UPF3A: variants seen among roughly 807,000 people sequenced by gnomAD.
UPF3A encodes UPF3A regulator of nonsense mediated mRNA decay, also known as regulator of nonsense transcripts 3A.
Under a neutral mutation model 53.5 loss-of-function variants are expected in UPF3A, and 42 were observed. That is an observed-to-expected ratio of 0.78 (90% CI 0.61 to 1.01). The LOEUF (loss-of-function observed/expected upper bound fraction) is 1.01. UPF3A is among the 50% of genes least tolerant of loss of function. The pLI, the probability that UPF3A is intolerant of heterozygous loss-of-function variation, is 0.00. For missense variants in UPF3A, 575 were observed against 598.0 expected (o/e 0.96, Z 0.40); for synonymous variants, 237 against 225.3 (o/e 1.05, Z -0.47).
At chr13:114,298,030 A>G (rs1387542179) in intron 7 of UPF3A, among the ~76,000 whole-genome samples, 2 of 151,966 alleles carry the variant, frequency 1.3e-5, no homozygotes. Flanking sequence ...AATCACTATT[A>G]ATACAGTGCT....
Position 114,286,555 on chromosome 13 carries a change from T to C in UPF3A, c.557T>C (p.Val186Ala), listed in dbSNP as rs933735181. The C allele has an allele frequency of 3.7e-6, 6 of 1,613,970 alleles. No individual in the cohort carries two copies. The highest frequency in any genetic ancestry group is 5.1e-6 in the Non-Finnish European group (6 of 1,179,942). ...AAGAAGTTTTTAGAAACCTACTGTG[T>C]GGAGGAAGAGAAGACCAGTGCCAAC... is the stretch of plus-strand genomic sequence containing the variant. The part of the protein sequence containing the change: ...EYKKFLETYC[V>A]EEEKTSANPE... Residue 186 changes from valine (V) to alanine (A), a missense_variant, in exon 5 of 10, where the codon GTG (valine) becomes GCG (alanine). Physicochemically the swap from Val to Ala is moderately conservative, Grantham distance 64 (BLOSUM62 0). Transcript: ENST00000375299.
rs865794958 is a variant in UPF3A, at chr13:114,286,475, T to C, written c.521-44T>C. 4 of 1,610,580 alleles carry C rather than the reference T, an allele frequency of 2.5e-6. No homozygotes were observed. In the Middle Eastern group the frequency reaches 5.0e-4, roughly 200 times the overall value. On this transcript the variant is annotated intron_variant, in intron 4 of 9. Coordinates refer to ENST00000375299, the MANE Select transcript of UPF3A (RefSeq NM_023011.4). ...TGAGCAAATGTAATTCTCCCGTAGT[T>C]GGGAAAGATTATATTTATTTTCTTC...
At chr13:114,300,059 A>G (rs1382676922) in intron 8 of UPF3A, among the ~76,000 whole-genome samples, 1 of 152,186 alleles carries the variant, frequency 6.6e-6, no homozygotes, top group Non-Finnish European at 1.5e-5. Context: ...CGGTGTTGTT[A>G]CTGTGACAGT....
At chr13:114,286,717 A>G in intron 5 of UPF3A, 88 bp downstream of exon 5, 1 of 1,027,162 alleles carries the variant, frequency 9.7e-7, no homozygotes, top group Non-Finnish European at 1.4e-6. Flanking sequence ...TGACTGTGAT[A>G]ACAAGTTGAA....
At chr13:114,295,308 C>G (rs2479976) in intron 7 of UPF3A, among the ~76,000 whole-genome samples, 2,715 of 100,684 alleles carry the variant, frequency 0.027, 125 homozygotes, top group East Asian at 0.23. Flanking sequence ...CAGAGCTGGC[C>G]TGCTCCCCAG....
At chr13:114,292,670 G>A (rs561523346) in intron 7 of UPF3A, among the ~76,000 whole-genome samples, 1 of 152,164 alleles carries the variant, frequency 6.6e-6, no homozygotes, top group Non-Finnish European at 1.5e-5. Context: ...TACACGTGCA[G>A]GTGTGTCACA....
rs767950506 is a variant in UPF3A at position 114,286,283 on chromosome 13, A to G, written c.422-19A>G. 2 of 1,610,440 alleles carry G rather than the reference A, an allele frequency of 1.2e-6. No individual in the cohort carries two copies. The highest frequency in any genetic ancestry group is 1.7e-4 in the Middle Eastern group (1 of 6,042). ...GTAGAATTTCAGAATGGCTTCTGGA[A>G]CATGTTTCCTGTTAAAAGGCCTAGA... On this transcript the variant is annotated intron_variant, in intron 3 of 9. Transcript: ENST00000375299.
At chr13:114,289,247 C>A (rs970093652) in intron 5 of UPF3A, among the ~76,000 whole-genome samples, 1 of 152,008 alleles carries the variant, frequency 6.6e-6, no homozygotes, top group African/African-American at 2.4e-5. Flanking sequence ...GAAACTTGGC[C>A]GGGTGCGGTG....
intron 9 of UPF3A, among the ~76,000 whole-genome samples, chr13:114,303,862 C>A (rs1181527164): frequency 1.3e-5 from 2 of 152,196 alleles, no homozygotes; most frequent in African/African-American, 2.4e-5. Flanking sequence ...TGAGCCTGTT[C>A]CCACCCCTCC....
At chr13:114,285,920 G>A (rs1045900053) in intron 3 of UPF3A, 4 of 182,706 alleles carry the variant, frequency 2.2e-5, no homozygotes, top group Non-Finnish European at 4.6e-5. Context: ...GGCTGGGGAG[G>A]TCAGGTATAT....
intron 7 of UPF3A, among the ~76,000 whole-genome samples, chr13:114,297,372 A>G (rs2086148418): frequency 1.3e-5 from 2 of 152,358 alleles, no homozygotes; most frequent in East Asian, 3.8e-4. Context: ...AGGAAAGAGA[A>G]TAATCAGTGT....
intron 7 of UPF3A, among the ~76,000 whole-genome samples, chr13:114,292,506 A>C (rs2085401865): frequency 6.8e-6 from 1 of 146,188 alleles, no homozygotes; most frequent in South Asian, 2.2e-4. Flanking sequence ...CAGGTGTGCC[A>C]CATGTTTATT....
At chr13:114,297,068 C>T (rs1272990713) in intron 7 of UPF3A, among the ~76,000 whole-genome samples, 4 of 152,156 alleles carry the variant, frequency 2.6e-5, no homozygotes, top group Non-Finnish European at 5.9e-5. Context: ...TTCCAATGCT[C>T]CACCTTGCAT....
chr13:114,296,801 G>C (rs117462399), intron 7 of UPF3A, among the ~76,000 whole-genome samples: 1 of 152,122 alleles, frequency 6.6e-6, no homozygotes, highest in Non-Finnish European at 1.5e-5. Context: ...AGCTGGTGTC[G>C]GAGGGGTGGT....
chr13:114,295,043 C>T (rs1156506080), intron 7 of UPF3A, among the ~76,000 whole-genome samples: 14 of 148,060 alleles, frequency 9.5e-5, no homozygotes, highest in East Asian at 2.0e-4. Flanking sequence ...ACCCGGGAGG[C>T]GGAGCTTGCA....
chr13:114,285,772 T>A (rs748225911), intron 3 of UPF3A: 6 of 152,920 alleles, frequency 3.9e-5, no homozygotes, highest in Non-Finnish European at 8.8e-5. Context: ...ATTTTAGCCA[T>A]GGTGTCTTCT....
intron 7 of UPF3A, among the ~76,000 whole-genome samples, chr13:114,295,418 G>A (rs915823956): frequency 2.0e-5 from 3 of 148,382 alleles, no homozygotes; most frequent in African/African-American, 5.0e-5. Context: ...TCCCCAGCTC[G>A]TCTCCAGCGG....
Position 114,282,844 on chromosome 13 carries a change from C to T in UPF3A, c.322C>T (p.Pro108Ser), listed in dbSNP as rs764354121. The T allele has an allele frequency of 1.2e-5, 20 of 1,605,406 alleles. No individual in the cohort carries two copies. The East Asian group carries it at 2.0e-4, about 16-fold the overall frequency. ...TGTTATCTCTTATTTCAGTCTTTAT[C>T]CTCATCTCTACTCAAGAGCATACAT... is the stretch of plus-strand genomic sequence containing the variant. ...EFFAADLSLY[P>S]HLYSRAYINF... Residue 108 changes from proline (P) to serine (S), a missense_variant, in exon 3 of 10, where the codon CCT becomes TCT. Around this residue, in one of 2 missense-constraint regions of UPF3A, gnomAD observed 252 missense variants for 182.7 expected, o/e 1.38. Coordinates refer to ENST00000375299, the MANE Select transcript of UPF3A (RefSeq NM_023011.4).
intron 7 of UPF3A, among the ~76,000 whole-genome samples, chr13:114,292,090 C>CTTTTTT (rs745358460): frequency 1.5e-5 from 2 of 133,746 alleles, no homozygotes; most frequent in African/African-American, 5.5e-5. Flanking sequence ...TGCTGACGCT[C>CTTTTTT]TTTTTTTTTT....
Sources: gnomAD v4.1 joint callset for allele counts (sites outside exome capture counted in the v4.1 genomes callset) on GRCh38, gnomAD v4.1.1 for gene constraint, gnomAD v4.1.1 regional missense constraint, MANE v1.5 for transcripts, NCBI Gene and HGNC (gene_info 2026-07-23, HGNC 2026-07-21) for gene names.